Variants in GRIK2 observed in about 807,000 individuals in gnomAD.
GRIK2 encodes the protein glutamate receptor ionotropic, kainate 2.
In GRIK2, 32 loss-of-function variants were observed where a neutral mutation model predicts 100.3. The ratio of observed to expected loss-of-function variants is 0.32; its 90% confidence interval spans 0.24 to 0.43. The LOEUF (loss-of-function observed/expected upper bound fraction) is 0.43, where lower values mean the gene tolerates loss of function less well. GRIK2 is among the 20% of genes least tolerant of loss of function. GRIK2 has a pLI of 1.00. For missense variants in GRIK2, 843 were observed against 1,114.9 expected (o/e 0.76, Z 3.47); for synonymous variants, 417 against 389.4 (o/e 1.07, Z -0.83).
intron 4 of GRIK2, among the ~76,000 whole-genome samples, chr6:101,658,088 G>A (rs1384396890): frequency 5.3e-5 from 8 of 152,040 alleles, no homozygotes; most frequent in East Asian, 1.9e-4. Context: ...TAAGTTCTGG[G>A]ATACATGTGC....
intron 10 of GRIK2, among the ~76,000 whole-genome samples, chr6:101,848,289 T>C (rs1051713793): frequency 2.1e-4 from 32 of 151,476 alleles, no homozygotes; most frequent in African/African-American, 7.0e-4. Context: ...TCTAGAGTTA[T>C]TTAAAAATTG....
At chr6:101,425,206 G>T (rs533367726) in intron 2 of GRIK2, among the ~76,000 whole-genome samples, 2 of 152,246 alleles carry the variant, frequency 1.3e-5, no homozygotes, top group East Asian at 3.9e-4. Flanking sequence ...GGGTCAAATG[G>T]TATTTCTGGT....
chr6:101,953,929 G>C (rs1016812105), intron 14 of GRIK2, among the ~76,000 whole-genome samples: 2 of 151,906 alleles, frequency 1.3e-5, no homozygotes, highest in East Asian at 3.9e-4. Flanking sequence ...TTTAATTTTT[G>C]TGTATGATGT....
intron 2 of GRIK2, among the ~76,000 whole-genome samples, chr6:101,606,590 A>C (rs611348): frequency 0.65 from 98,212 of 151,844 alleles, 32,862 homozygotes; most frequent in African/African-American, 0.81. Flanking sequence ...AATAGCAGAA[A>C]CAGGACTAGA....
intron 2 of GRIK2, among the ~76,000 whole-genome samples, chr6:101,518,457 G>A (rs10485270): frequency 0.11 from 16,133 of 152,008 alleles, 1,133 homozygotes; most frequent in East Asian, 0.31. Flanking sequence ...TAGTTGTTAC[G>A]CAGAATAAGT....
chr6:101,630,615 AC>A (rs1257223399), intron 4 of GRIK2, among the ~76,000 whole-genome samples: 1 of 151,926 alleles, frequency 6.6e-6, no homozygotes, highest in Non-Finnish European at 1.5e-5. Context: ...TGGGTATTAG[AC>A]CTTTGCTTGA....
intron 14 of GRIK2, among the ~76,000 whole-genome samples, chr6:102,016,573 T>A (rs1008673646): frequency 5.4e-5 from 8 of 147,126 alleles, no homozygotes; most frequent in African/African-American, 2.0e-4. Flanking sequence ...CAAAAAAAAT[T>A]TAAAAAAAAA....
At chr6:101,733,708 C>CTTTTTTTTTTTTTTTTTTTTTTTTTTTT in intron 7 of GRIK2, among the ~76,000 whole-genome samples, 1 of 83,938 alleles carries the variant, frequency 1.2e-5, no homozygotes, top group Admixed American at 1.5e-4. Flanking sequence ...ATTCCTCTTT[C>CTTTTTTTTTTTTTTTTTTTTTTTTTTTT]TTTTTTTTTT....
At chr6:102,044,965 G>A (rs1319468934) in intron 15 of GRIK2, among the ~76,000 whole-genome samples, 1 of 151,874 alleles carries the variant, frequency 6.6e-6, no homozygotes, top group Non-Finnish European at 1.5e-5. Context: ...TTCCTATATA[G>A]TATTTGGTAT....
In GRIK2 at chr6:101,521,499, A is replaced by G. The variant is rs566012916; in HGVS notation, c.116-100450A>G. 5.9e-5 allele frequency among the ~76,000 whole-genome samples: 9 copies of G among 152,078 alleles called. No individual in the cohort carries two copies. In the South Asian group the frequency reaches 1.9e-3, roughly 31 times the overall value. On this transcript the variant is annotated intron_variant, in intron 2 of 16. Coordinates refer to ENST00000369134, the MANE Select transcript of GRIK2 (RefSeq NM_021956.5). ...TGTTATGTCTGTTCTCAAATCTTGT[A>G]CTATATTAATTGGCAACATTAATCT...
At chr6:101,789,192 C>T (rs1779651698) in intron 7 of GRIK2, among the ~76,000 whole-genome samples, 1 of 152,126 alleles carries the variant, frequency 6.6e-6, no homozygotes, top group Non-Finnish European at 1.5e-5. Context: ...TTTTGCTGTG[C>T]AGAAGCTGTT....
At chr6:101,861,055 C>G in intron 11 of GRIK2, among the ~76,000 whole-genome samples, 1 of 152,132 alleles carries the variant, frequency 6.6e-6, no homozygotes, top group Non-Finnish European at 1.5e-5. Context: ...AGTTCAAATC[C>G]TAATTCTTCA....
intron 4 of GRIK2, among the ~76,000 whole-genome samples, chr6:101,658,877 G>A (rs1769394130): frequency 6.6e-6 from 1 of 151,946 alleles, no homozygotes; most frequent in African/African-American, 2.4e-5. Flanking sequence ...GAGGTTGTTT[G>A]CTTTTTCCTG....
In GRIK2 at chr6:102,035,434, C is replaced by T. The variant is rs1405323358; in HGVS notation, c.2179C>T (p.Arg727Ter). Residue 727 changes from arginine to a stop codon, truncating the protein, a stop_gained, in exon 15 of 17, where the codon CGA (arginine) becomes TGA (stop). Transcript: ENST00000369134. LOFTEE classifies it high-confidence loss of function. ...CAAAAGTAATGAAGAAGGAATCCAG[C>T]GAGTCCTCACCTCTGATTATGCTTT... The part of the protein sequence containing the change: ...LVKSNEEGIQ[R>*]VLTSDYAFLM... 9 of 1,607,042 alleles carry T rather than the reference C, an allele frequency of 5.6e-6. No individual in the cohort carries two copies. Among genetic ancestry groups the T allele is most frequent in the Non-Finnish European group, 7.7e-6 (9 of 1,174,620 alleles).
intron 14 of GRIK2, among the ~76,000 whole-genome samples, chr6:101,935,146 A>G (rs1790537148): frequency 6.6e-6 from 1 of 151,888 alleles, no homozygotes; most frequent in Non-Finnish European, 1.5e-5. Flanking sequence ...GATTCTAATA[A>G]TTTTCCACCA....
At chr6:101,542,206 A>G (rs1271502499) in intron 2 of GRIK2, among the ~76,000 whole-genome samples, 3 of 152,076 alleles carry the variant, frequency 2.0e-5, no homozygotes, top group African/African-American at 7.2e-5. Flanking sequence ...ATCATAGTTT[A>G]TAATGAGCTT....
intron 14 of GRIK2, among the ~76,000 whole-genome samples, chr6:102,027,266 A>T (rs1024364076): frequency 1.3e-5 from 2 of 151,312 alleles, no homozygotes; most frequent in Non-Finnish European, 3.0e-5. Context: ...AATTTTAAAA[A>T]GTCAGAAATT....
At chr6:101,849,770 C>G (rs1487515387) in intron 10 of GRIK2, among the ~76,000 whole-genome samples, 2 of 73,938 alleles carry the variant, frequency 2.7e-5, no homozygotes, top group Non-Finnish European at 5.4e-5. Flanking sequence ...ACCATTATGT[C>G]TTTTTCATTT....
intron 11 of GRIK2, among the ~76,000 whole-genome samples, chr6:101,865,593 A>G (rs73496613): frequency 0.011 from 1,702 of 152,264 alleles, 29 homozygotes; most frequent in African/African-American, 0.039. Context: ...TTCTTGTGAA[A>G]ATAAACAAAA....
Sources: gnomAD v4.1 joint callset for allele counts (sites outside exome capture counted in the v4.1 genomes callset) on GRCh38, gnomAD v4.1.1 for gene constraint, MANE v1.5 for transcripts, NCBI Gene and HGNC (gene_info 2026-07-23, HGNC 2026-07-21) for gene names.